CTNND2: variants seen among roughly 807,000 people sequenced by gnomAD.
The protein encoded by CTNND2 is catenin delta 2.
CTNND2 carries 22 observed loss-of-function variants against 144.4 expected under a neutral mutation model. That is an observed-to-expected ratio of 0.15 (90% CI 0.11 to 0.22). The LOEUF (loss-of-function observed/expected upper bound fraction) is 0.22. Ranked by LOEUF, CTNND2 falls within the 10% of genes least tolerant of loss-of-function variation. The pLI, the probability that CTNND2 is intolerant of heterozygous loss-of-function variation, is 1.00. For missense variants in CTNND2, 1,353 were observed against 1,618.8 expected, an observed-to-expected ratio of 0.84 and a Z score of 2.82; for synonymous variants, 751 against 695.6, an observed-to-expected ratio of 1.08 and a Z score of -1.25.
At chr5:11,612,776 C>T (rs994105840) in intron 2 of CTNND2, among the ~76,000 whole-genome samples, 7 of 151,882 alleles carry the variant, frequency 4.6e-5, no homozygotes, top group African/African-American at 1.7e-4. Flanking sequence ...AGTGCATGCT[C>T]GTAGTCCCAT....
At chr5:11,579,516 G>C (rs976823675) in intron 2 of CTNND2, among the ~76,000 whole-genome samples, 1 of 152,040 alleles carries the variant, frequency 6.6e-6, no homozygotes, top group Non-Finnish European at 1.5e-5. Context: ...GACCACAGGG[G>C]AAAAAATAAA....
At position 11,363,584 on chromosome 5, in the gene CTNND2, G is replaced by A. The variant is rs61750679; in HGVS notation, c.1372+1112C>T. Among the ~76,000 whole-genome samples the A allele has an allele frequency of 1.4e-3, 214 of 152,270 alleles. 1 individual carries two copies. Among genetic ancestry groups the A allele is most frequent in the African/African-American group, 5.1e-3 (211 of 41,546 alleles). ...CCAAGATATGTATTATTAATATTGG[G>A]TGGCATTTATGATGTCAAAAATAAA... On this transcript the variant is annotated intron_variant, in intron 8 of 21. Coordinates refer to ENST00000304623, the MANE Select transcript of CTNND2 (RefSeq NM_001332.4).
At chr5:11,670,534 G>T (rs1001967100) in intron 2 of CTNND2, among the ~76,000 whole-genome samples, 1 of 152,086 alleles carries the variant, frequency 6.6e-6, no homozygotes, top group African/African-American at 2.4e-5. Context: ...GATCTTTGTG[G>T]TTTAAAGTCT....
At chr5:11,470,719 T>G (rs1767105915) in intron 3 of CTNND2, among the ~76,000 whole-genome samples, 1 of 151,890 alleles carries the variant, frequency 6.6e-6, no homozygotes, top group South Asian at 2.1e-4. Context: ...TTCCTTATTT[T>G]CAATGACCCT....
chr5:11,143,527 G>C (rs796509068), intron 12 of CTNND2, among the ~76,000 whole-genome samples: 30 of 152,228 alleles, frequency 2.0e-4, no homozygotes, highest in African/African-American at 7.0e-4. Context: ...GTTCTCCCTG[G>C]GAGTGTGTGT....
chr5:11,626,678 C>T (rs1781172528), intron 2 of CTNND2, among the ~76,000 whole-genome samples: 1 of 152,072 alleles, frequency 6.6e-6, no homozygotes, highest in Non-Finnish European at 1.5e-5. Context: ...AATTAACACT[C>T]TCAGATATAG....
intron 3 of CTNND2, among the ~76,000 whole-genome samples, chr5:11,488,693 T>G (rs1216720813): frequency 6.6e-6 from 1 of 152,194 alleles, no homozygotes; most frequent in African/African-American, 2.4e-5. Flanking sequence ...ATTTCCCTCA[T>G]GCAATCCTTT....
intron 1 of CTNND2, among the ~76,000 whole-genome samples, chr5:11,852,117 A>T (rs570567183): frequency 6.6e-6 from 1 of 151,860 alleles, no homozygotes; most frequent in South Asian, 2.1e-4. Context: ...TACCTTTCAG[A>T]CTCTACAGCT....
At chr5:11,184,383 G>A (rs554271175) in intron 11 of CTNND2, among the ~76,000 whole-genome samples, 81 of 152,232 alleles carry the variant, frequency 5.3e-4, no homozygotes, top group Non-Finnish European at 9.8e-4. Flanking sequence ...ATAAATTTGT[G>A]AACAGAGCAG....
chr5:11,605,258 A>G (rs1779988700), intron 2 of CTNND2, among the ~76,000 whole-genome samples: 1 of 152,222 alleles, frequency 6.6e-6, no homozygotes, highest in Non-Finnish European at 1.5e-5. Context: ...ACATACACAT[A>G]TGAAAGCAAC....
intron 1 of CTNND2, among the ~76,000 whole-genome samples, chr5:11,869,875 G>A (rs912845603): frequency 3.3e-5 from 5 of 152,048 alleles, no homozygotes; most frequent in African/African-American, 1.2e-4. Context: ...AAGGTGTTAG[G>A]AACAAAATGC....
intron 10 of CTNND2, among the ~76,000 whole-genome samples, chr5:11,219,266 G>T (rs1739535388): frequency 6.6e-6 from 1 of 152,120 alleles, no homozygotes; most frequent in Admixed American, 6.6e-5. Flanking sequence ...ACCATCACAA[G>T]AATCAAATGG....
chr5:11,324,775 T>G (rs1752364495), intron 9 of CTNND2, among the ~76,000 whole-genome samples: 1 of 152,174 alleles, frequency 6.6e-6, no homozygotes, highest in Admixed American at 6.5e-5. Flanking sequence ...AGTGTATAGT[T>G]GGCCCATTGT....
At chr5:11,000,564 A>G (rs958367815) in intron 18 of CTNND2, among the ~76,000 whole-genome samples, 1 of 152,230 alleles carries the variant, frequency 6.6e-6, no homozygotes, top group Non-Finnish European at 1.5e-5. Context: ...AGATGAGCAC[A>G]GGAGTTTGTT....
intron 2 of CTNND2, among the ~76,000 whole-genome samples, chr5:11,652,876 C>T (rs919329306): frequency 3.3e-5 from 5 of 152,052 alleles, no homozygotes; most frequent in Non-Finnish European, 5.9e-5. Context: ...CTTCCCATTG[C>T]CCCCACACTC....
intron 12 of CTNND2, among the ~76,000 whole-genome samples, chr5:11,128,924 T>A (rs1464782383): frequency 2.1e-5 from 1 of 47,474 alleles, no homozygotes; most frequent in Non-Finnish European, 4.3e-5. Flanking sequence ...TAATATATAA[T>A]ACATAAATAT....
chr5:11,584,564 C>T (rs998178008), intron 2 of CTNND2, among the ~76,000 whole-genome samples: 1 of 151,882 alleles, frequency 6.6e-6, no homozygotes, highest in African/African-American at 2.4e-5. Context: ...AGCCACAATG[C>T]AGTGTTTATT....
At chr5:11,166,416 A>T (rs562724978) in intron 11 of CTNND2, among the ~76,000 whole-genome samples, 1 of 151,346 alleles carries the variant, frequency 6.6e-6, no homozygotes, top group Non-Finnish European at 1.5e-5. Context: ...GCCCGGCTAA[A>T]TTTTTTGTAT....
intron 3 of CTNND2, among the ~76,000 whole-genome samples, chr5:11,445,679 G>A (rs767433170): frequency 3.3e-5 from 5 of 152,236 alleles, no homozygotes; most frequent in South Asian, 2.1e-4. Flanking sequence ...GCCCACTTAC[G>A]GAGGCTTTCA....
Sources: allele counts gnomAD v4.1 joint callset (sites outside exome capture counted in the v4.1 genomes callset), GRCh38; gene constraint gnomAD v4.1.1; transcripts MANE v1.5; gene names NCBI Gene and HGNC (gene_info 2026-07-23, HGNC 2026-07-21).